Variants in DMD observed in about 807,000 individuals in gnomAD.
DMD encodes the protein dystrophin, also known as mutant dystrophin.
In DMD, 63 loss-of-function variants were observed where a neutral mutation model predicts 330.1. That is an observed-to-expected ratio of 0.19 (90% CI 0.16 to 0.24). DMD has a LOEUF of 0.24. Ranked by LOEUF, DMD falls within the 10% of genes least tolerant of loss-of-function variation. The pLI, the probability that DMD is intolerant of heterozygous loss-of-function variation, is 1.00. For missense variants in DMD, 3,344 were observed against 2,684.1 expected (o/e 1.25, Z -5.43); for synonymous variants, 1,223 against 959.8 (o/e 1.27, Z -5.07).
At chrX:32,727,290 T>A (rs749840782) in intron 7 of DMD, among the ~76,000 whole-genome samples, 1 of 111,106 alleles carries the variant, frequency 9.0e-6, no homozygotes, top group Non-Finnish European at 1.9e-5. Context: ...ATTATCTCAT[T>A]TGCTCCTCAA....
intron 7 of DMD, among the ~76,000 whole-genome samples, chrX:32,720,022 AAT>A (rs1288062692): frequency 2.7e-5 from 3 of 110,601 alleles, no homozygotes; most frequent in African/African-American, 9.8e-5. Flanking sequence ...AAGTAAATTA[AAT>A]ATATTAAGTA....
rs893238449 is a variant in DMD at position 32,152,992 on chromosome X, T to C, written c.6438+63924A>G. Among the ~76,000 whole-genome samples the C allele has an allele frequency of 6.1e-4, 68 of 112,108 alleles. 1 individual carries two copies. The highest frequency in any genetic ancestry group is 1.9e-3 in the African/African-American group (58 of 30,927). On this transcript the variant is annotated intron_variant, in intron 44 of 78. Transcript: ENST00000357033. ...ATTATCTTAAAAATGTATTTGTATA[T>C]ATGTGTTAAATTGAATCTTTCTAAT...
At chrX:32,119,037 G>A (rs2096623511) in intron 44 of DMD, among the ~76,000 whole-genome samples, 1 of 111,404 alleles carries the variant, frequency 9.0e-6, no homozygotes, top group African/African-American at 3.3e-5. Context: ...TCACTGACCT[G>A]TACTGGTCTG....
At chrX:31,583,962 T>C (rs1372735922) in intron 55 of DMD, among the ~76,000 whole-genome samples, 1 of 91,530 alleles carries the variant, frequency 1.1e-5, no homozygotes, top group Non-Finnish European at 2.1e-5. Flanking sequence ...CCTGTGTCCA[T>C]GTGTTCTCAT....
chrX:32,079,904 TC>T (rs2147883809), intron 44 of DMD, among the ~76,000 whole-genome samples: 1 of 112,079 alleles, frequency 8.9e-6, no homozygotes, highest in African/African-American at 3.2e-5. Context: ...TTTGTTGAAT[TC>T]TGAATGTTAA....
chrX:33,080,560 T>TA (rs1464150718), intron 1 of DMD, among the ~76,000 whole-genome samples: 1 of 111,806 alleles, frequency 8.9e-6, no homozygotes, highest in Non-Finnish European at 1.9e-5. Context: ...AAAAACCTGA[T>TA]AAAAAAGCTA....
intron 55 of DMD, among the ~76,000 whole-genome samples, chrX:31,627,103 G>A (rs777209542): frequency 6.3e-4 from 71 of 112,145 alleles, no homozygotes; most frequent in African/African-American, 2.1e-3. Context: ...GGAACTTTAT[G>A]GAAATAATTT....
intron 1 of DMD, among the ~76,000 whole-genome samples, chrX:33,066,574 TG>T (rs2094665021): frequency 2.8e-5 from 3 of 108,671 alleles, no homozygotes; most frequent in Admixed American, 2.0e-4. Flanking sequence ...ACCAGCAATG[TG>T]GGGTAGGTAG....
intron 1 of DMD, among the ~76,000 whole-genome samples, chrX:33,168,080 T>G (rs762890800): frequency 2.7e-5 from 3 of 109,982 alleles, no homozygotes; most frequent in Non-Finnish European, 5.7e-5. Context: ...AAGAGAAAGA[T>G]TGGGGGCATG....
At chrX:32,630,142 TTTTC>T (rs1272317451) in intron 11 of DMD, among the ~76,000 whole-genome samples, 1 of 111,813 alleles carries the variant, frequency 8.9e-6, no homozygotes, top group African/African-American at 3.2e-5. Context: ...ATCTGTCAGC[TTTTC>T]TTTGTCTTAG....
chrX:31,973,087 A>G (rs1426027386), intron 44 of DMD, among the ~76,000 whole-genome samples: 1 of 111,284 alleles, frequency 9.0e-6, no homozygotes, highest in East Asian at 2.8e-4. Context: ...TAAAGAAGCA[A>G]AATAAATGCA....
chrX:31,541,191 C>G (rs2073785914), intron 55 of DMD, among the ~76,000 whole-genome samples: 1 of 111,272 alleles, frequency 9.0e-6, no homozygotes, highest in African/African-American at 3.3e-5. Flanking sequence ...AATTTTTATT[C>G]CATTTTATTA....
intron 9 of DMD, among the ~76,000 whole-genome samples, chrX:32,678,405 G>C (rs1453090940): frequency 2.7e-5 from 3 of 111,692 alleles, no homozygotes. Flanking sequence ...TGAGCACAAT[G>C]TGCAGTAATA....
intron 47 of DMD, among the ~76,000 whole-genome samples, chrX:31,911,823 C>T (rs1161023537): frequency 9.0e-6 from 1 of 111,399 alleles, no homozygotes; most frequent in Non-Finnish European, 1.9e-5. Flanking sequence ...CTTACAACTA[C>T]ACGAGAAGTT....
intron 52 of DMD, among the ~76,000 whole-genome samples, chrX:31,695,868 G>A (rs2083427525): frequency 9.0e-6 from 1 of 110,717 alleles, no homozygotes; most frequent in Admixed American, 9.7e-5. Context: ...CACAGCACAG[G>A]AACTATAGCT....
intron 44 of DMD, among the ~76,000 whole-genome samples, chrX:32,003,103 ACT>A (rs2095638670): frequency 9.0e-6 from 1 of 111,491 alleles, no homozygotes; most frequent in African/African-American, 3.3e-5. Flanking sequence ...ATAAACAAAA[ACT>A]CTAACCCCAA....
At chrX:33,058,987 C>T (rs901060288) in intron 1 of DMD, among the ~76,000 whole-genome samples, 1 of 111,609 alleles carries the variant, frequency 9.0e-6, no homozygotes, top group African/African-American at 3.3e-5. Context: ...ATCAGATATA[C>T]GTCTTGTGAA....
chrX:31,158,233 T>C (rs1382565823), intron 74 of DMD, among the ~76,000 whole-genome samples: 1 of 112,281 alleles, frequency 8.9e-6, no homozygotes, highest in Non-Finnish European at 1.9e-5. Flanking sequence ...AAAAATGTGG[T>C]ATATCCATAC....
intron 9 of DMD, among the ~76,000 whole-genome samples, chrX:32,666,691 T>C (rs1488181948): frequency 9.2e-6 from 1 of 109,174 alleles, no homozygotes; most frequent in Non-Finnish European, 1.9e-5. Flanking sequence ...TAGCCAGGCG[T>C]GGTGGTGGGT....
Sources: gnomAD v4.1 joint callset for allele counts (sites outside exome capture counted in the v4.1 genomes callset) on GRCh38, gnomAD v4.1.1 for gene constraint, MANE v1.5 for transcripts, NCBI Gene and HGNC (gene_info 2026-07-23, HGNC 2026-07-21) for gene names.